The following ZBED4 variants were observed in gnomAD, a reference collection of about 807,000 sequenced individuals.
ZBED4 encodes the protein zinc finger BED domain-containing protein 4.
In ZBED4, 4 loss-of-function variants were observed where a neutral mutation model predicts 15.5. That is an observed-to-expected ratio of 0.26 (90% CI 0.13 to 0.59). The LOEUF (loss-of-function observed/expected upper bound fraction) is 0.59, where lower values mean the gene tolerates loss of function less well. Among genes scored for constraint, ZBED4 ranks in the 20% least tolerant of loss-of-function variants. The pLI is 0.90. For missense variants in ZBED4, 1,323 were observed against 1,461.8 expected, an observed-to-expected ratio of 0.91 and a Z score of 1.55; for synonymous variants, 692 against 608.5, an observed-to-expected ratio of 1.14 and a Z score of -2.02.
intron 1 of ZBED4, among the ~76,000 whole-genome samples, chr22:49,874,013 C>G (rs984618159): frequency 5.9e-5 from 9 of 152,236 alleles, no homozygotes; most frequent in African/African-American, 2.2e-4. Flanking sequence ...AGTCCTGTGA[C>G]CTCTCTGAAC....
upstream of ZBED4, chr22:49,853,819 CGCCGCGCGGG>C (rs2060262006): frequency 6.9e-6 from 1 of 144,502 alleles, no homozygotes; most frequent in African/African-American, 2.5e-5. Flanking sequence ...CCCCGCCCCG[CGCCGCGCGGG>C]GCCCTGGGAG....
intron 1 of ZBED4, among the ~76,000 whole-genome samples, chr22:49,854,850 T>C (rs1307733783): frequency 1.3e-5 from 2 of 152,228 alleles, no homozygotes. Flanking sequence ...CAGATTACGT[T>C]TTTAGAAATC....
intron 1 of ZBED4, among the ~76,000 whole-genome samples, chr22:49,876,551 TC>T (rs752389733): frequency 6.6e-6 from 1 of 152,230 alleles, no homozygotes; most frequent in Non-Finnish European, 1.5e-5. Flanking sequence ...TATTCTTAAA[TC>T]TTTACCCGGT....
At position 49,865,097 on chromosome 22, in the gene ZBED4, G is replaced by C. The variant is rs113280245; in HGVS notation, c.-330+11108G>C. Among the ~76,000 whole-genome samples the C allele has an allele frequency of 5.2e-3, 791 of 152,200 alleles. 8 individuals are homozygous for C. Among genetic ancestry groups the C allele is most frequent in the African/African-American group, 0.018 (762 of 41,500 alleles). On this transcript the variant is annotated intron_variant, in intron 1 of 1. Coordinates refer to ENST00000216268, the MANE Select transcript of ZBED4 (RefSeq NM_014838.3). ...TCTGAGAAATGCGTTACTCAGCGATGTTGTCGTTGTGTGAACCTCATAGAG... is the reference window on the plus strand; with the variant it reads ...TCTGAGAAATGCGTTACTCAGCGATCTTGTCGTTGTGTGAACCTCATAGAG...
At chr22:49,856,636 G>T (rs566643188) in intron 1 of ZBED4, among the ~76,000 whole-genome samples, 1 of 37,746 alleles carries the variant, frequency 2.6e-5, no homozygotes, top group South Asian at 7.9e-4. Flanking sequence ...CTGGAATCCC[G>T]GCCGGCTTCC....
At chr22:49,869,271 T>C (rs2060335361) in intron 1 of ZBED4, among the ~76,000 whole-genome samples, 1 of 152,052 alleles carries the variant, frequency 6.6e-6, no homozygotes, top group Non-Finnish European at 1.5e-5. Context: ...TGTTTATGGG[T>C]TCTAGTGCTT....
In ZBED4 at chr22:49,884,663, C is replaced by T; in HGVS notation, c.1001C>T (p.Ala334Val). The change falls in exon 2 of 2, where the codon GCA becomes GTA. Residue 334 changes from alanine to valine, a missense_variant. Ala to Val is a moderately conservative substitution (Grantham distance 64). This residue lies in a region of ZBED4 where 13 missense variants were observed against 30.5 expected (regional missense o/e 0.43). Transcript: ENST00000216268. ...TGCCTCATCAGGCACATGTGGAGGG[C>T]ACACCGCGCCATCGTGTTGCAGGAG... The part of the protein sequence containing the change: ...TSCLIRHMWR[A>V]HRAIVLQENG... 6.2e-7 allele frequency: 1 copy of T among 1,610,814 alleles called. No individual in the cohort carries two copies. The highest frequency in any genetic ancestry group is 2.2e-5 in the East Asian group (1 of 44,820).
upstream of ZBED4, among the ~76,000 whole-genome samples, chr22:49,853,523 C>T (rs1360382937): frequency 1.1e-4 from 17 of 152,314 alleles, no homozygotes; most frequent in South Asian, 8.3e-4. Context: ...TGCCAAGCCA[C>T]GGGACGAAAC....
In ZBED4 at chr22:49,883,582, ATCTACAT is replaced by A. The variant is rs1428816458; in HGVS notation, c.-78_-72del. The A allele has an allele frequency of 3.5e-6, 5 of 1,435,344 alleles. No homozygotes were observed. In the Admixed American group the frequency reaches 1.2e-4, roughly 34 times the overall value. 88.9% of individuals were successfully genotyped at this position (1,435,344 alleles called of 1,614,324 possible). On this transcript the variant is annotated 5_prime_UTR_variant, in exon 2 of 2. Coordinates refer to ENST00000216268, the MANE Select transcript of ZBED4 (RefSeq NM_014838.3). Reference sequence around the variant, plus strand: ...GAATTATGACGAAAAAGTGAAGATAATCTACATTCGGGGGCACAAATGAGCACTTGGA... The same window carrying A: ...GAATTATGACGAAAAAGTGAAGATAATCGGGGGCACAAATGAGCACTTGGA...
At chr22:49,858,851 C>G (rs2060285666) in intron 1 of ZBED4, among the ~76,000 whole-genome samples, 1 of 152,174 alleles carries the variant, frequency 6.6e-6, no homozygotes. Flanking sequence ...GCTGTGAGGT[C>G]TCTTTGCGTT....
At chr22:49,863,874 A>G (rs1029228919) in intron 1 of ZBED4, among the ~76,000 whole-genome samples, 2 of 152,200 alleles carry the variant, frequency 1.3e-5, no homozygotes, top group African/African-American at 4.8e-5. Flanking sequence ...ATGAATTTAA[A>G]CATATTTGGG....
intron 1 of ZBED4, among the ~76,000 whole-genome samples, chr22:49,855,124 C>T (rs993773094): frequency 2.0e-5 from 3 of 152,038 alleles, no homozygotes; most frequent in African/African-American, 4.8e-5. Context: ...TCCAATGGGA[C>T]GTCCGTACAA....
chr22:49,887,040 A>C lies in ZBED4; in HGVS notation c.3378A>C (p.Pro1126=), dbSNP rs9627781. 0.01 allele frequency: 16,428 copies of C among 1,614,066 alleles called. 1,107 individuals are homozygous for C. In the African/African-American group the frequency reaches 0.17, roughly 16 times the overall value. Residue 1126 remains proline (P), a synonymous_variant, in exon 2 of 2, where the codon CCA becomes CCC. Coordinates refer to ENST00000216268, the MANE Select transcript of ZBED4 (RefSeq NM_014838.3). ...ALAVRFLGCP[P]SIVPSEKLFN... ...CCGTCAGATTTTTGGGCTGCCCCCC[A>C]AGCATCGTCCCTTCAGAAAAGCTGT...
chr22:49,857,908 C>T (rs541072760), intron 1 of ZBED4, among the ~76,000 whole-genome samples: 4 of 152,094 alleles, frequency 2.6e-5, no homozygotes, highest in East Asian at 1.9e-4. Context: ...AATAGGCGTG[C>T]GCCACCGTGC....
At chr22:49,866,416 C>A (rs904445994) in intron 1 of ZBED4, among the ~76,000 whole-genome samples, 6 of 151,750 alleles carry the variant, frequency 4.0e-5, no homozygotes, top group Admixed American at 3.3e-4. Context: ...TTGTGTTTCC[C>A]TTTCATTTAT....
chr22:49,887,293 CAG>C lies in ZBED4; in HGVS notation c.*116_*117del. ...TGTACGACATCAGACCAGGCACTCTCAGGGCCGCTCTCCAGCTCACCACAGTG... is the reference window on the plus strand; with the variant it reads ...TGTACGACATCAGACCAGGCACTCTCGGCCGCTCTCCAGCTCACCACAGTG... On this transcript the variant is annotated 3_prime_UTR_variant, in exon 2 of 2. Coordinates refer to ENST00000216268, the MANE Select transcript of ZBED4 (RefSeq NM_014838.3). The C allele has an allele frequency of 8.8e-7, 1 of 1,131,084 alleles. No individual in the cohort carries two copies. Among genetic ancestry groups the C allele is most frequent in the Non-Finnish European group, 1.3e-6 (1 of 797,904 alleles). The allele number at this position is 1,131,084 out of a possible 1,614,324, so 70.1% of individuals were successfully genotyped here. A position where few individuals can be genotyped will look rare whatever the true frequency, so the allele number is the denominator to read the frequency against.
In ZBED4 at chr22:49,885,675, G is replaced by C. The variant is rs757667130; in HGVS notation, c.2013G>C (p.Gln671His). 6.2e-6 allele frequency: 10 copies of C among 1,612,354 alleles called. No individual in the cohort carries two copies. Among genetic ancestry groups the C allele is most frequent in the Non-Finnish European group, 8.5e-6 (10 of 1,178,652 alleles). Residue 671 changes from glutamine to histidine, a missense_variant, in exon 2 of 2, where the codon CAG becomes CAC. Coordinates refer to ENST00000216268, the MANE Select transcript of ZBED4 (RefSeq NM_014838.3). ...LIAEMIALDL[Q>H]PYSFVDNVGF... ...CTGAAATGATTGCACTTGACCTCCA[G>C]CCATATTCTTTTGTAGACAACGTTG...
At chr22:49,876,931 T>C (rs1177306782) in intron 1 of ZBED4, among the ~76,000 whole-genome samples, 1 of 152,224 alleles carries the variant, frequency 6.6e-6, no homozygotes, top group Non-Finnish European at 1.5e-5. Flanking sequence ...CAAAGATTCC[T>C]TTGATGAATC....
rs2060433480 is a variant in ZBED4, at chr22:49,885,516, G to A, written c.1854G>A (p.Glu618=). Residue 618 remains glutamate (E), a synonymous_variant, in exon 2 of 2, where the codon GAG becomes GAA. Coordinates refer to ENST00000216268, the MANE Select transcript of ZBED4 (RefSeq NM_014838.3). ...HSNVLKTEVS[E]TARPSSPDTR... ...ACGTGCTGAAAACTGAGGTCTCGGA[G>A]ACGGCTCGGCCCTCCTCTCCGGACA... The A allele has an allele frequency of 6.2e-7, 1 of 1,609,922 alleles. No individual in the cohort carries two copies. The highest frequency in any genetic ancestry group is 1.3e-5 in the African/African-American group (1 of 74,894).
Sources: gnomAD v4.1 joint callset for allele counts (sites outside exome capture counted in the v4.1 genomes callset) on GRCh38, gnomAD v4.1.1 for gene constraint, gnomAD v4.1.1 regional missense constraint, MANE v1.5 for transcripts, NCBI Gene and HGNC (gene_info 2026-07-23, HGNC 2026-07-21) for gene names.